SHH: variants seen among roughly 807,000 people sequenced by gnomAD.
The protein encoded by SHH is sonic hedgehog protein.
Under a neutral mutation model 16.6 loss-of-function variants are expected in SHH, and 3 were observed. The ratio of observed to expected loss-of-function variants is 0.18; its 90% CI spans 0.08 to 0.47. SHH has a LOEUF of 0.47. SHH is among the 20% of genes least tolerant of loss of function. SHH has a pLI of 0.98. For synonymous variants in SHH, 351 were observed against 316.2 expected, an observed-to-expected ratio of 1.11 and a Z score of -1.17; for missense variants, 499 against 665.0, an observed-to-expected ratio of 0.75 and a Z score of 2.75.
At position 155,803,192 on chromosome 7, in the gene SHH, A is replaced by G; in HGVS notation, c.1097T>C (p.Val366Ala). ...INRVLASCYA[V>A]IEEHSWAHRA... Reference sequence around the variant, plus strand: ...GTGCGCCCAGCTGTGCTCCTCGATGACCGCGTAGCACGAGGCCAGCACCCG... The same window carrying G: ...GTGCGCCCAGCTGTGCTCCTCGATGGCCGCGTAGCACGAGGCCAGCACCCG... Residue 366 changes from valine to alanine, a missense_variant, in exon 3 of 3, where the codon GTC (valine) becomes GCC (alanine). Physicochemically the swap from Val to Ala is moderately conservative, Grantham distance 64. Around this residue, in one of 4 missense-constraint regions of SHH, gnomAD observed 299 missense variants for 301.1 expected, o/e 0.99. Transcript: ENST00000297261. 6.7e-7 allele frequency: 1 copy of G among 1,486,428 alleles called. No individual in the cohort carries two copies. Among genetic ancestry groups the G allele is most frequent in the Admixed American group, 2.3e-5 (1 of 44,054 alleles). The allele number at this position is 1,486,428 out of a possible 1,614,324, so 92.1% of individuals were successfully genotyped here. A position where few individuals can be genotyped will look rare whatever the true frequency, so the allele number is the denominator to read the frequency against.
chr7:155,809,203 C>T lies in SHH; in HGVS notation c.300+2620G>A, dbSNP rs1803447449. The T allele has an allele frequency of 6.6e-6, 1 of 152,260 alleles. No individual in the cohort carries two copies. The highest frequency in any genetic ancestry group is 1.5e-5 in the Non-Finnish European group (1 of 68,084). 9.4% of individuals were successfully genotyped at this position (152,260 alleles called of 1,614,324 possible). On this transcript the variant is annotated intron_variant, in intron 1 of 2. Transcript: ENST00000297261. The surrounding 1 kb of genome is among the most constrained non-coding windows in gnomAD (Gnocchi z 6.1). ...CTCCCGGGTTAATATTAACCGGCAG[C>T]TCCTGCGTTCCGGAACTGCTCCGAA...
chr7:155,812,303 C>A lies in SHH; in HGVS notation c.-181G>T, dbSNP rs945500832. ...TCTCTTCCTATATAACCTTGCCCGC[C>A]GCGGCTGCGGGGGACTCTCCACCGC... On this transcript the variant is annotated 5_prime_UTR_variant, in exon 1 of 3. Transcript: ENST00000297261. 4.6e-6 allele frequency: 3 copies of A among 652,640 alleles called. No individual in the cohort carries two copies. The highest frequency in any genetic ancestry group is 4.6e-5 in the Admixed American group (2 of 43,282). The allele number at this position is 652,640 out of a possible 1,614,324, so 40.4% of individuals were successfully genotyped here. A position where few individuals can be genotyped will look rare whatever the true frequency, so the allele number is the denominator to read the frequency against.
chr7:155,803,765 A>G (rs1455127435), intron 2 of SHH, 39 bp from the exon 3 acceptor site: 2 of 1,542,858 alleles, frequency 1.3e-6, no homozygotes, highest in Admixed American at 1.7e-5. Flanking sequence ...AGGACAGGGC[A>G]TTGAGTTCCG....
At chr7:155,810,132 C>T (rs1803472940) in intron 1 of SHH, among the ~76,000 whole-genome samples, 1 of 152,220 alleles carries the variant, frequency 6.6e-6, no homozygotes, top group Non-Finnish European at 1.5e-5. Flanking sequence ...ATCGATAACC[C>T]GGGAGTAAGT....
chr7:155,803,047 G>A lies in SHH; in HGVS notation c.1242C>T (p.Ala414=), dbSNP rs1266189932. ...CGTCGGCAGCACCTGGAGCGGTTAGGGCTACTCTGCCGCCGCCGCCCCCGC... is the reference window on the plus strand; with the variant it reads ...CGTCGGCAGCACCTGGAGCGGTTAGAGCTACTCTGCCGCCGCCGCCCCCGC... The part of the protein sequence containing the change: ...GDRGGGGGRV[A]LTAPGAADAP... The change falls in exon 3 of 3, where the codon GCC becomes GCT. Residue 414 remains alanine, a synonymous_variant. Coordinates refer to ENST00000297261, the MANE Select transcript of SHH (RefSeq NM_000193.4). 2 of 1,469,760 alleles carry A rather than the reference G, an allele frequency of 1.4e-6. No homozygotes were observed. Among genetic ancestry groups the A allele is most frequent in the Non-Finnish European group, 1.8e-6 (2 of 1,109,646 alleles). 91.0% of individuals were successfully genotyped at this position (1,469,760 alleles called of 1,614,324 possible). A position where few individuals can be genotyped will look rare whatever the true frequency, so the allele number is the denominator to read the frequency against.
chr7:155,812,420 A>C lies in SHH; in HGVS notation c.-298T>G. 1 of 529,724 alleles carries C rather than the reference A, an allele frequency of 1.9e-6. No individual in the cohort carries two copies. Among genetic ancestry groups the C allele is most frequent in the South Asian group, 2.1e-5 (1 of 47,954 alleles). The allele number at this position is 529,724 out of a possible 1,614,324, so 32.8% of individuals were successfully genotyped here. A position where few individuals can be genotyped will look rare whatever the true frequency, so the allele number is the denominator to read the frequency against. ...GGTCGCGAGACAGCAATCAAAAGAC[A>C]AAAAGAGTCTGATTTTAAATGGTAG... On this transcript the variant is annotated 5_prime_UTR_variant, in exon 1 of 3. Transcript: ENST00000297261.
chr7:155,800,805 CAGA>C lies in SHH; in HGVS notation c.*2092_*2094del, dbSNP rs1803163557. 2.7e-6 allele frequency: 1 copy of C among 365,406 alleles called. No individual in the cohort carries two copies. Among genetic ancestry groups the C allele is most frequent in the Non-Finnish European group, 5.4e-6 (1 of 184,302 alleles). 22.6% of individuals were successfully genotyped at this position (365,406 alleles called of 1,614,324 possible). On this transcript the variant is annotated 3_prime_UTR_variant, in exon 3 of 3. Transcript: ENST00000297261. ...ACTCAAGGGCAGACCCGTAGCAGAG[CAGA>C]CCCTCAGGGACTGGGCCCAACCTCG...
intron 1 of SHH, among the ~76,000 whole-genome samples, chr7:155,810,509 TG>T: frequency 6.6e-6 from 1 of 152,356 alleles, no homozygotes; most frequent in African/African-American, 2.4e-5. Context: ...ATCGCGCTGC[TG>T]TCTGGCACTG....
Position 155,802,855 on chromosome 7 carries a change from G to GCCC in SHH, c.*42_*44dup. The GCCC allele has an allele frequency of 1.5e-6, 1 of 683,312 alleles. No homozygotes were observed. The highest frequency in any genetic ancestry group is 2.2e-6 in the Non-Finnish European group (1 of 452,518). The allele number at this position is 683,312 out of a possible 1,614,324, so 42.3% of individuals were successfully genotyped here. On this transcript the variant is annotated 3_prime_UTR_variant, in exon 3 of 3. Transcript: ENST00000297261. ...CTTTTTGCTTTGCGTTGCTGTTGCTGCCCCGCCCCGCCCCCTCCCGCGCCC... is the reference window on the plus strand; with the variant it reads ...CTTTTTGCTTTGCGTTGCTGTTGCTGCCCCCCCGCCCCGCCCCCTCCCGCGCCC...
intron 1 of SHH, among the ~76,000 whole-genome samples, chr7:155,810,454 C>G (rs1803497142): frequency 6.6e-6 from 1 of 152,244 alleles, no homozygotes; most frequent in African/African-American, 2.4e-5. Context: ...CTCCAGCCAG[C>G]TGCACGCAAC....
At position 155,802,788 on chromosome 7, in the gene SHH, CTTATTA is replaced by C; in HGVS notation, c.*106_*111del. On this transcript the variant is annotated 3_prime_UTR_variant, in exon 3 of 3. Transcript: ENST00000297261. ...ACTGTCCTACTTTATTATTCTTATT[CTTATTA>C]TAACTCAGTCTGGTTCGTGCGCCTT... 1 of 623,762 alleles carries C rather than the reference CTTATTA, an allele frequency of 1.6e-6. No individual in the cohort carries two copies. The highest frequency in any genetic ancestry group is 2.4e-6 in the Non-Finnish European group (1 of 415,152). The allele number at this position is 623,762 out of a possible 1,614,324, so 38.6% of individuals were successfully genotyped here.
intron 1 of SHH, among the ~76,000 whole-genome samples, chr7:155,808,674 G>A (rs1270404800): frequency 2.0e-5 from 3 of 152,204 alleles, no homozygotes; most frequent in Admixed American, 2.0e-4. Flanking sequence ...AAGCCGGGAA[G>A]CCCAGGCCGG....
rs895488562 is a variant in SHH, at chr7:155,809,692, A to T, written c.300+2131T>A. On this transcript the variant is annotated intron_variant, in intron 1 of 2. Transcript: ENST00000297261. The surrounding 1 kb of genome is among the most constrained non-coding windows in gnomAD (Gnocchi z 6.1). ...ACGGGAATAGCCACTGCCCAAGGAA[A>T]AAAGTATTTGTTTTCGTTTCGTTCG... is the stretch of plus-strand genomic sequence containing the variant. Among the ~76,000 whole-genome samples, 5 of 152,194 alleles carry T rather than the reference A, an allele frequency of 3.3e-5. No homozygotes were observed. Among genetic ancestry groups the T allele is most frequent in the Admixed American group, 2.0e-4 (3 of 15,278 alleles).
chr7:155,803,927 C>CGCA (rs1563199549), intron 2 of SHH, among the ~76,000 whole-genome samples: 6 of 151,990 alleles, frequency 3.9e-5, no homozygotes, highest in African/African-American at 9.7e-5. Flanking sequence ...GACAGGATTC[C>CGCA]GACACATTCC....
rs1373408109 is a variant in SHH at position 155,801,338 on chromosome 7, C to G, written c.*1562G>C. On this transcript the variant is annotated 3_prime_UTR_variant, in exon 3 of 3. Transcript: ENST00000297261. ...TTCAGAGAAGATCAAACCGGGTCCT[C>G]TCTTCTAAGGATGCTTTCTGGAAGG... The G allele has an allele frequency of 6.6e-6, 1 of 152,326 alleles. No individual in the cohort carries two copies. Among genetic ancestry groups the G allele is most frequent in the African/African-American group, 2.4e-5 (1 of 41,462 alleles). The allele number at this position is 152,326 out of a possible 1,614,324, so 9.4% of individuals were successfully genotyped here.
intron 1 of SHH, 68 bp downstream of exon 1, chr7:155,811,754 TG>T: frequency 1.4e-6 from 2 of 1,472,808 alleles, no homozygotes; most frequent in Non-Finnish European, 1.9e-6. Flanking sequence ...GAGTTAAGTC[TG>T]GAAGTGTTCG....
At chr7:155,806,948 G>A in intron 1 of SHH, 8 of 248,054 alleles carry the variant, frequency 3.2e-5, no homozygotes, top group East Asian at 9.2e-5. Context: ...CCCCCACGTT[G>A]CCCTCCACTT....
chr7:155,809,301 G>T lies in SHH; in HGVS notation c.300+2522C>A, dbSNP rs1563202078. 6.6e-6 allele frequency among the ~76,000 whole-genome samples: 1 copy of T among 152,208 alleles called. No individual in the cohort carries two copies. Among genetic ancestry groups the T allele is most frequent in the African/African-American group, 2.4e-5 (1 of 41,456 alleles). On this transcript the variant is annotated intron_variant, in intron 1 of 2. Transcript: ENST00000297261. This position sits in a 1 kb window ranked among gnomAD's most constrained non-coding sequence, Gnocchi z 6.1. ...GTCACATTAGAGACCCAGAGACAGG[G>T]AGGGAGACAGAAGAAGAGGGTCACG...
chr7:155,803,879 C>A (rs1234373047), intron 2 of SHH, among the ~76,000 whole-genome samples, 153 bp from the exon 3 acceptor site: 1 of 151,716 alleles, frequency 6.6e-6, no homozygotes, highest in African/African-American at 2.4e-5. Context: ...CAGGCGGGTC[C>A]CGCACACACC....
Sources: allele counts gnomAD v4.1 joint callset (sites outside exome capture counted in the v4.1 genomes callset), GRCh38; gene constraint gnomAD v4.1.1; regional missense constraint gnomAD v4.1.1; non-coding constraint Gnocchi (gnomAD v3.1); transcripts MANE v1.5; gene names NCBI Gene and HGNC (gene_info 2026-07-23, HGNC 2026-07-21).